The following MAML3 variants were observed in gnomAD, a reference collection of about 807,000 sequenced individuals.
The protein encoded by MAML3 is mastermind-like protein 3.
MAML3 carries 27 observed loss-of-function variants against 101.9 expected under a neutral mutation model. The observed-to-expected ratio is 0.27, with a 90% CI of 0.20 to 0.37. MAML3 has a LOEUF of 0.37. Ranked by LOEUF, MAML3 falls within the 10% of genes least tolerant of loss-of-function variation. MAML3 has a pLI of 1.00. For synonymous variants in MAML3, 501 were observed against 555.9 expected, an observed-to-expected ratio of 0.90 and a Z score of 1.39; for missense variants, 1,316 against 1,444.9, an observed-to-expected ratio of 0.91 and a Z score of 1.45.
chr4:140,023,454 A>G (rs774302260), intron 1 of MAML3, among the ~76,000 whole-genome samples: 35 of 152,322 alleles, frequency 2.3e-4, no homozygotes, highest in Non-Finnish European at 4.4e-4. Context: ...ACCCAGGAGC[A>G]GCCTAGACAA....
At chr4:140,021,072 T>G (rs1726725112) in intron 1 of MAML3, among the ~76,000 whole-genome samples, 1 of 152,124 alleles carries the variant, frequency 6.6e-6, no homozygotes, top group East Asian at 1.9e-4. Context: ...TACAGAGAGA[T>G]GAAAATAGAC....
At chr4:139,991,800 C>A (rs1734677619) in intron 1 of MAML3, among the ~76,000 whole-genome samples, 1 of 152,022 alleles carries the variant, frequency 6.6e-6, no homozygotes, top group Non-Finnish European at 1.5e-5. Context: ...GAGCCATGAT[C>A]ATGCCACCGT....
chr4:139,870,224 T>C (rs1389905422), intron 2 of MAML3, among the ~76,000 whole-genome samples: 1 of 152,214 alleles, frequency 6.6e-6, no homozygotes, highest in African/African-American at 2.4e-5. Flanking sequence ...CTGTACATTG[T>C]AGGATATTTA....
intron 1 of MAML3, among the ~76,000 whole-genome samples, chr4:139,978,611 C>A (rs1470577013): frequency 1.9e-4 from 23 of 122,260 alleles, no homozygotes; most frequent in East Asian, 3.1e-4. Flanking sequence ...TCAACCACAT[C>A]AAAAAAAAAG....
chr4:140,019,011 ATT>A (rs11321693), intron 1 of MAML3, among the ~76,000 whole-genome samples: 1 of 151,206 alleles, frequency 6.6e-6, no homozygotes, highest in South Asian at 2.1e-4. Flanking sequence ...CTGAAGAATA[ATT>A]TTTTTTCTCT....
intron 1 of MAML3, among the ~76,000 whole-genome samples, chr4:140,056,358 TC>T (rs1727348214): frequency 6.8e-6 from 1 of 147,474 alleles, no homozygotes; most frequent in Non-Finnish European, 1.5e-5. Flanking sequence ...TCTTTTCTTT[TC>T]TTTTTTTTTT....
intron 2 of MAML3, among the ~76,000 whole-genome samples, chr4:139,757,370 C>A (rs975441116): frequency 5.3e-5 from 8 of 152,136 alleles, no homozygotes; most frequent in Non-Finnish European, 1.0e-4. Flanking sequence ...CTATTCCTGG[C>A]CAGGTGTGGT....
At chr4:140,068,956 G>A (rs1202458676) in intron 1 of MAML3, among the ~76,000 whole-genome samples, 1 of 152,100 alleles carries the variant, frequency 6.6e-6, no homozygotes, top group Non-Finnish European at 1.5e-5. Flanking sequence ...TGAAAGAGTT[G>A]CTGACGAATT....
chr4:139,852,837 C>T (rs1731583094), intron 2 of MAML3, among the ~76,000 whole-genome samples: 1 of 152,212 alleles, frequency 6.6e-6, no homozygotes, highest in Non-Finnish European at 1.5e-5. Context: ...TTCTCACTGA[C>T]TCAGCCATTG....
At chr4:140,066,711 G>A (rs1727542699) in intron 1 of MAML3, among the ~76,000 whole-genome samples, 1 of 152,192 alleles carries the variant, frequency 6.6e-6, no homozygotes, top group African/African-American at 2.4e-5. Flanking sequence ...CAGCACAGGA[G>A]GCCTGTGTGG....
Position 140,153,417 on chromosome 4 carries a change from A to C in MAML3, c.-90T>G, listed in dbSNP as rs1729213921. On this transcript the variant is annotated 5_prime_UTR_variant, in exon 1 of 5. Transcript: ENST00000509479. Reference sequence around the variant, plus strand: ...TTGGGTCCAAGGATTAAAATAGTTTAAGTGGAACGCGGGGGAGACGCAAGC... The same window carrying C: ...TTGGGTCCAAGGATTAAAATAGTTTCAGTGGAACGCGGGGGAGACGCAAGC... The C allele has an allele frequency of 2.2e-6, 3 of 1,388,532 alleles. No homozygotes were observed. Among genetic ancestry groups the C allele is most frequent in the Middle Eastern group, 2.3e-4 (1 of 4,262 alleles). The allele number at this position is 1,388,532 out of a possible 1,614,324, so 86.0% of individuals were successfully genotyped here.
intron 1 of MAML3, among the ~76,000 whole-genome samples, chr4:139,955,525 T>C (rs1733900857): frequency 6.6e-6 from 1 of 152,238 alleles, no homozygotes; most frequent in African/African-American, 2.4e-5. Flanking sequence ...AACTGACTCA[T>C]GTATCAAGTG....
At chr4:139,953,441 C>T (rs1348133032) in intron 1 of MAML3, among the ~76,000 whole-genome samples, 2 of 152,266 alleles carry the variant, frequency 1.3e-5, no homozygotes, top group East Asian at 3.9e-4. Flanking sequence ...GACTGGCCAA[C>T]ATGGTGAAAC....
At chr4:139,894,158 G>A (rs1732558632) in intron 1 of MAML3, among the ~76,000 whole-genome samples, 1 of 152,144 alleles carries the variant, frequency 6.6e-6, no homozygotes, top group African/African-American at 2.4e-5. Context: ...TGCAGATGCG[G>A]TAAAGTTCAC....
In MAML3 at chr4:139,759,259, C is replaced by T. The variant is rs187870069; in HGVS notation, c.2080-28592G>A. ...GCAGAAGAGCAGTCTGGTTACTCCCCCAGGGAAATAACATCCAGAGGGATG... is the reference window on the plus strand; with the variant it reads ...GCAGAAGAGCAGTCTGGTTACTCCCTCAGGGAAATAACATCCAGAGGGATG... On this transcript the variant is annotated intron_variant, in intron 2 of 4. Coordinates refer to ENST00000509479, the MANE Select transcript of MAML3 (RefSeq NM_018717.5). 1.4e-4 allele frequency among the ~76,000 whole-genome samples: 22 copies of T among 152,314 alleles called. 1 individual carries two copies. The highest frequency in any genetic ancestry group is 2.6e-4 in the Non-Finnish European group (18 of 68,034).
At chr4:139,780,167 C>T (rs1730172374) in intron 2 of MAML3, among the ~76,000 whole-genome samples, 1 of 152,216 alleles carries the variant, frequency 6.6e-6, no homozygotes, top group Non-Finnish European at 1.5e-5. Flanking sequence ...CATAGCCACA[C>T]TTGGCTAGTG....
chr4:140,136,531 T>C (rs937501555), intron 1 of MAML3, among the ~76,000 whole-genome samples: 5 of 152,230 alleles, frequency 3.3e-5, no homozygotes, highest in African/African-American at 9.6e-5. Flanking sequence ...CAACCGCTTA[T>C]ACTTTGTCAA....
intron 1 of MAML3, among the ~76,000 whole-genome samples, chr4:140,106,464 GGCATGTGTGT>G (rs1387930983): frequency 1.3e-5 from 2 of 152,228 alleles, no homozygotes; most frequent in Non-Finnish European, 2.9e-5. Context: ...TTTGTGTGTG[GGCATGTGTGT>G]GCACACCCAC....
chr4:139,791,675 C>T (rs2111092037), intron 2 of MAML3, among the ~76,000 whole-genome samples: 1 of 152,248 alleles, frequency 6.6e-6, no homozygotes, highest in Middle Eastern at 3.4e-3. Flanking sequence ...CAGCTTTACT[C>T]ATAATACAGG....
Sources: gnomAD v4.1 joint callset for allele counts (sites outside exome capture counted in the v4.1 genomes callset) on GRCh38, gnomAD v4.1.1 for gene constraint, MANE v1.5 for transcripts, NCBI Gene and HGNC (gene_info 2026-07-23, HGNC 2026-07-21) for gene names.